The following DMRT1 variants were observed in gnomAD, a reference collection of about 807,000 sequenced individuals.
The protein encoded by DMRT1 is doublesex- and mab-3-related transcription factor 1.
DMRT1 carries 7 observed loss-of-function variants against 32.3 expected under a neutral mutation model. The ratio of observed to expected loss-of-function variants is 0.22; its 90% CI spans 0.12 to 0.41. DMRT1 has a LOEUF of 0.41. Ranked by LOEUF, DMRT1 falls within the 10% of genes least tolerant of loss-of-function variation. DMRT1 has a pLI of 1.00. For missense variants in DMRT1, 625 were observed against 500.5 expected (o/e 1.25, Z -2.37); for synonymous variants, 278 against 206.1 (o/e 1.35, Z -2.99).
At chr9:896,015 C>G (rs4742540) in intron 3 of DMRT1, among the ~76,000 whole-genome samples, 17,458 of 151,562 alleles carry the variant, frequency 0.12, 1,862 homozygotes, top group African/African-American at 0.27. Context: ...ATGGTGGCCA[C>G]GATGGTCTGT....
chr9:878,879 G>A (rs1328692931), intron 2 of DMRT1, among the ~76,000 whole-genome samples: 3 of 152,112 alleles, frequency 2.0e-5, no homozygotes, highest in African/African-American at 4.8e-5. Flanking sequence ...CATGCAAAAC[G>A]TATATAACTT....
intron 4 of DMRT1, among the ~76,000 whole-genome samples, chr9:931,931 G>A (rs904079953): frequency 2.0e-5 from 3 of 152,060 alleles, no homozygotes; most frequent in East Asian, 3.9e-4. Context: ...TAAAATGAAC[G>A]GAGTATGTTG....
chr9:935,954 C>A (rs1444651242), intron 4 of DMRT1, among the ~76,000 whole-genome samples: 1 of 152,206 alleles, frequency 6.6e-6, no homozygotes, highest in Non-Finnish European at 1.5e-5. Flanking sequence ...TCCCCACCCT[C>A]CCATAAGTGA....
rs181195088 is a variant in DMRT1, at chr9:873,405, A to G, written c.539-20507A>G. ...ACCATAACCTCCACCTCCCGGGTTC[A>G]AGTGATTCTCCTGCCTCAGACTCCT... On this transcript the variant is annotated intron_variant, in intron 2 of 4. Transcript: ENST00000382276. Among the ~76,000 whole-genome samples, 24 of 151,802 alleles carry G rather than the reference A, an allele frequency of 1.6e-4. No homozygotes were observed. In the East Asian group the frequency reaches 3.5e-3, roughly 22 times the overall value.
chr9:855,623 A>G (rs1020150656), intron 2 of DMRT1, among the ~76,000 whole-genome samples: 5 of 152,050 alleles, frequency 3.3e-5, no homozygotes, highest in African/African-American at 1.2e-4. Context: ...ATATATCTGA[A>G]TTTTTTTTCT....
chr9:906,309 G>C (rs1885778), intron 3 of DMRT1, among the ~76,000 whole-genome samples: 120,371 of 152,130 alleles, frequency 0.79, 48,240 homozygotes, highest in Middle Eastern at 0.91. Flanking sequence ...ACAGCCTCAC[G>C]TTGCCCTCCC....
intron 4 of DMRT1, among the ~76,000 whole-genome samples, chr9:931,112 A>G (rs1818711736): frequency 6.6e-6 from 1 of 152,186 alleles, no homozygotes; most frequent in South Asian, 2.1e-4. Flanking sequence ...GGGATCATAG[A>G]ATATGTGGTC....
chr9:914,390 C>T (rs1050773151), intron 3 of DMRT1, among the ~76,000 whole-genome samples: 19 of 151,882 alleles, frequency 1.3e-4, no homozygotes, highest in Non-Finnish European at 2.2e-4. Flanking sequence ...CTGGCTAACA[C>T]GGTAAAACCC....
At chr9:933,957 A>G (rs1818805476) in intron 4 of DMRT1, among the ~76,000 whole-genome samples, 1 of 152,108 alleles carries the variant, frequency 6.6e-6, no homozygotes, top group African/African-American at 2.4e-5. Flanking sequence ...TGTTACTGAC[A>G]GACTTATTGA....
At chr9:844,072 A>G (rs1838802530) in intron 1 of DMRT1, among the ~76,000 whole-genome samples, 2 of 152,160 alleles carry the variant, frequency 1.3e-5, no homozygotes, top group African/African-American at 4.8e-5. Flanking sequence ...TGTGGAGAAC[A>G]TGCTTGGGGG....
In DMRT1 at chr9:920,967, T is replaced by C. The variant is rs540411563; in HGVS notation, c.967+4060T>C. Reference sequence around the variant, plus strand: ...TTGTCTGTTGAGGTTGATAAAATATTGGGGCTTGTATTTTTTGTCTTTCAT... The same window carrying C: ...TTGTCTGTTGAGGTTGATAAAATATCGGGGCTTGTATTTTTTGTCTTTCAT... On this transcript the variant is annotated intron_variant, in intron 4 of 4. Transcript: ENST00000382276. Among the ~76,000 whole-genome samples the C allele has an allele frequency of 2.0e-5, 3 of 152,336 alleles. No homozygotes were observed. The East Asian group carries it at 5.8e-4, about 29-fold the overall frequency.
intron 3 of DMRT1, among the ~76,000 whole-genome samples, chr9:910,611 A>G (rs538384450): frequency 6.6e-6 from 1 of 152,210 alleles, no homozygotes; most frequent in East Asian, 1.9e-4. Context: ...GCTAACACGT[A>G]TAAAAGGAAA....
chr9:871,512 T>G (rs1816255236), intron 2 of DMRT1, among the ~76,000 whole-genome samples: 1 of 148,884 alleles, frequency 6.7e-6, no homozygotes, highest in Non-Finnish European at 1.5e-5. Flanking sequence ...TTTTTTTTTT[T>G]TTTTTTTTTT....
chr9:945,972 C>G (rs1183764231), intron 4 of DMRT1, among the ~76,000 whole-genome samples: 1 of 151,996 alleles, frequency 6.6e-6, no homozygotes, highest in East Asian at 1.9e-4. Context: ...TCAGCACTTT[C>G]CTTTTTTCAA....
In DMRT1 at chr9:965,006, A is replaced by T. The variant is rs279899; in HGVS notation, c.968-2979A>T. Among the ~76,000 whole-genome samples, 96,287 of 152,024 alleles carry T rather than the reference A, an allele frequency of 0.63. 31,652 individuals carry two copies. The highest frequency in any genetic ancestry group is 0.75 in the Middle Eastern group (219 of 292). ...AATCAAAGAGCGAAAAGCATCATTT[A>T]GATTTTTGAATTTTTAATTGGTATG... On this transcript the variant is annotated intron_variant, in intron 4 of 4. Transcript: ENST00000382276. This position sits in a 1 kb window ranked among gnomAD's most constrained non-coding sequence, Gnocchi z 4.5.
intron 3 of DMRT1, among the ~76,000 whole-genome samples, chr9:912,741 C>T (rs185743327): frequency 4.6e-5 from 7 of 151,534 alleles, no homozygotes; most frequent in African/African-American, 1.5e-4. Context: ...GGTATATGGA[C>T]GATATGTTGG....
intron 4 of DMRT1, among the ~76,000 whole-genome samples, chr9:927,477 G>A (rs930585856): frequency 3.3e-5 from 5 of 152,178 alleles, no homozygotes; most frequent in African/African-American, 1.2e-4. Flanking sequence ...ATTGCCCGGC[G>A]CGGTGGCGTT....
chr9:873,610 C>T (rs1265879711), intron 2 of DMRT1, among the ~76,000 whole-genome samples: 3 of 152,146 alleles, frequency 2.0e-5, no homozygotes, highest in Non-Finnish European at 4.4e-5. Context: ...TGATCCACCG[C>T]GCCCAGCCTC....
intron 2 of DMRT1, among the ~76,000 whole-genome samples, chr9:870,950 C>G (rs539978565): frequency 1.3e-5 from 2 of 151,372 alleles, no homozygotes; most frequent in African/African-American, 2.4e-5. Context: ...CTGGGCTCAG[C>G]TGATCCTCCT....
Sources: allele counts gnomAD v4.1 joint callset (sites outside exome capture counted in the v4.1 genomes callset), GRCh38; gene constraint gnomAD v4.1.1; non-coding constraint Gnocchi (gnomAD v3.1); transcripts MANE v1.5; gene names NCBI Gene and HGNC (gene_info 2026-07-23, HGNC 2026-07-21).